SDK1: variants seen among roughly 807,000 people sequenced by gnomAD.
SDK1 encodes the protein protein sidekick-1.
SDK1 carries 157 observed loss-of-function variants against 245.5 expected under a neutral mutation model. That is an observed-to-expected ratio of 0.64 (90% CI 0.56 to 0.73). The LOEUF (loss-of-function observed/expected upper bound fraction) is 0.73, where lower values mean the gene tolerates loss of function less well. Ranked by LOEUF, SDK1 falls within the 30% of genes least tolerant of loss-of-function variation. The pLI is 0.00. For missense variants in SDK1, 3,583 were observed against 3,002.3 expected (o/e 1.19, Z -4.52); for synonymous variants, 1,647 against 1,278.5 (o/e 1.29, Z -6.15).
At chr7:3,892,843 C>G (rs909424402) in intron 5 of SDK1, among the ~76,000 whole-genome samples, 1 of 152,186 alleles carries the variant, frequency 6.6e-6, no homozygotes, top group Non-Finnish European at 1.5e-5. Context: ...CAGCAAGCCA[C>G]TTTCCCTCTG....
chr7:3,800,366 C>CTTAT (rs574004354), intron 4 of SDK1, among the ~76,000 whole-genome samples: 2,628 of 148,186 alleles, frequency 0.018, 33 homozygotes, highest in Non-Finnish European at 0.027. Context: ...TACTTACTTA[C>CTTAT]TTACTTATTT....
intron 1 of SDK1, among the ~76,000 whole-genome samples, chr7:3,343,334 T>C (rs1780404298): frequency 6.6e-6 from 1 of 152,176 alleles, no homozygotes; most frequent in Non-Finnish European, 1.5e-5. Context: ...CTTCTCACAA[T>C]AAAAAGGGCC....
chr7:3,723,763 T>C (rs550195215), intron 4 of SDK1, among the ~76,000 whole-genome samples: 28 of 150,638 alleles, frequency 1.9e-4, no homozygotes, highest in African/African-American at 5.9e-4. Flanking sequence ...CACGTACATA[T>C]ACATATACAC....
At chr7:4,107,083 C>T (rs1782972393) in intron 22 of SDK1, among the ~76,000 whole-genome samples, 1 of 147,846 alleles carries the variant, frequency 6.8e-6, no homozygotes, top group African/African-American at 2.5e-5. Context: ...TTGTTTATTT[C>T]TCCCTCAGGC....
At chr7:3,326,812 A>G (rs901632494) in intron 1 of SDK1, among the ~76,000 whole-genome samples, 1 of 151,970 alleles carries the variant, frequency 6.6e-6, no homozygotes, top group Non-Finnish European at 1.5e-5. Context: ...CCTTCTTTTC[A>G]TTTTGTGAAG....
chr7:4,020,067 C>A (rs1181857206), intron 17 of SDK1, among the ~76,000 whole-genome samples: 1 of 152,066 alleles, frequency 6.6e-6, no homozygotes, highest in Non-Finnish European at 1.5e-5. Context: ...CAACCCTAAA[C>A]CTATTCCTGG....
intron 5 of SDK1, among the ~76,000 whole-genome samples, chr7:3,905,021 A>T (rs1373431963): frequency 2.0e-5 from 3 of 151,806 alleles, no homozygotes; most frequent in Admixed American, 1.3e-4. Context: ...AATAATAATA[A>T]AACCTACTTA....
intron 38 of SDK1, among the ~76,000 whole-genome samples, chr7:4,215,629 C>T (rs762707668): frequency 1.3e-5 from 2 of 152,212 alleles, no homozygotes; most frequent in African/African-American, 2.4e-5. Flanking sequence ...CAGGCCAGCC[C>T]GGCCAAAGGA....
intron 1 of SDK1, among the ~76,000 whole-genome samples, chr7:3,502,434 G>C (rs1017059594): frequency 2.6e-5 from 4 of 152,070 alleles, no homozygotes; most frequent in Admixed American, 1.3e-4. Context: ...ATTTTTTGTA[G>C]AGATGGGGTT....
At chr7:3,608,962 A>C (rs1426736707) in intron 1 of SDK1, among the ~76,000 whole-genome samples, 2 of 152,216 alleles carry the variant, frequency 1.3e-5, no homozygotes, top group Non-Finnish European at 2.9e-5. Flanking sequence ...ATATTACAAG[A>C]GACTAAATGC....
At chr7:3,309,158 T>A (rs1269015034) in intron 1 of SDK1, among the ~76,000 whole-genome samples, 2 of 152,184 alleles carry the variant, frequency 1.3e-5, no homozygotes, top group Non-Finnish European at 2.9e-5. Context: ...TAATTTATTT[T>A]GTGTGTTTGT....
intron 1 of SDK1, among the ~76,000 whole-genome samples, chr7:3,609,636 A>G (rs140160418): frequency 0.018 from 2,664 of 152,050 alleles, 46 homozygotes; most frequent in Non-Finnish European, 0.026. Flanking sequence ...TCCTGATCTT[A>G]TGATCTGTCC....
chr7:4,198,388 G>A (rs977689358), intron 35 of SDK1, among the ~76,000 whole-genome samples: 1 of 152,304 alleles, frequency 6.6e-6, no homozygotes, highest in East Asian at 1.9e-4. Context: ...CTTGAATTCT[G>A]CCCCAGGGCT....
Position 4,267,527 on chromosome 7 carries a change from C to G in SDK1, c.*2143C>G. On this transcript the variant is annotated 3_prime_UTR_variant, in exon 45 of 45. Transcript: ENST00000404826. ...GGAGAGGGCGAAGTGGGCGGGAAGC[C>G]AGGATGTGAGCACTGGAATTTCTTG... 2 of 985,464 alleles carry G rather than the reference C, an allele frequency of 2.0e-6. No individual in the cohort carries two copies. The highest frequency in any genetic ancestry group is 2.4e-6 in the Non-Finnish European group (2 of 829,976). The allele number at this position is 985,464 out of a possible 1,614,324, so 61.0% of individuals were successfully genotyped here.
At chr7:3,353,916 T>C (rs1780725497) in intron 1 of SDK1, among the ~76,000 whole-genome samples, 2 of 152,104 alleles carry the variant, frequency 1.3e-5, no homozygotes, top group South Asian at 4.1e-4. Flanking sequence ...AGGTGAAAGT[T>C]ACGTAACTGA....
At chr7:4,045,385 G>C (rs1788945981) in intron 17 of SDK1, among the ~76,000 whole-genome samples, 1 of 152,060 alleles carries the variant, frequency 6.6e-6, no homozygotes, top group Admixed American at 6.6e-5. Context: ...TGGGACTATA[G>C]GTGTGTGCCA....
rs377231242 is a variant in SDK1, at chr7:4,130,114, C to G, written c.4129+17C>G. ...AAGACGATGGTAGGTCCAGGGTTCG[C>G]GCCTTCGGGAGCCTTGCTGCCTCCC... On this transcript the variant is annotated intron_variant, in intron 27 of 44. Coordinates refer to ENST00000404826, the MANE Select transcript of SDK1 (RefSeq NM_152744.4). 1 of 1,561,822 alleles carries G rather than the reference C, an allele frequency of 6.4e-7. No homozygotes were observed. Among genetic ancestry groups the G allele is most frequent in the Non-Finnish European group, 8.7e-7 (1 of 1,148,006 alleles).
At chr7:3,861,139 C>G (rs997963490) in intron 5 of SDK1, among the ~76,000 whole-genome samples, 1 of 152,120 alleles carries the variant, frequency 6.6e-6, no homozygotes, top group African/African-American at 2.4e-5. Context: ...CAGGGAGACA[C>G]GCGTAAGGGT....
intron 4 of SDK1, among the ~76,000 whole-genome samples, chr7:3,794,581 A>C (rs1399301822): frequency 6.6e-6 from 1 of 152,134 alleles, no homozygotes; most frequent in Admixed American, 6.6e-5. Flanking sequence ...TAAGAAGAGG[A>C]AGAGGGACCT....
Sources: gnomAD v4.1 joint callset for allele counts (sites outside exome capture counted in the v4.1 genomes callset) on GRCh38, gnomAD v4.1.1 for gene constraint, MANE v1.5 for transcripts, NCBI Gene and HGNC (gene_info 2026-07-23, HGNC 2026-07-21) for gene names.